The following RBFOX3 variants were observed in gnomAD, a reference collection of about 807,000 sequenced individuals.
RBFOX3 encodes the protein RNA binding fox-1 homolog 3.
A neutral mutation model predicts 48.7 loss-of-function variants in RBFOX3; 17 were observed. That is an observed-to-expected ratio of 0.35 (90% confidence interval 0.24 to 0.52). The LOEUF (loss-of-function observed/expected upper bound fraction) is 0.52, where lower values mean the gene tolerates loss of function less well. RBFOX3 is among the 20% of genes least tolerant of loss of function. The pLI, the probability that RBFOX3 is intolerant of heterozygous loss-of-function variation, is 0.94. For synonymous variants in RBFOX3, 212 were observed against 209.5 expected, an observed-to-expected ratio of 1.01 and a Z score of -0.10; for missense variants, 382 against 497.5, an observed-to-expected ratio of 0.77 and a Z score of 2.21.
At chr17:79,326,612 G>A (rs576651555) in intron 2 of RBFOX3, among the ~76,000 whole-genome samples, 61 of 152,246 alleles carry the variant, frequency 4.0e-4, no homozygotes, top group African/African-American at 1.3e-3. Flanking sequence ...TAGACAACCC[G>A]CAGGCACAGT....
At chr17:79,397,735 A>ACTC (rs1256664566) in intron 2 of RBFOX3, among the ~76,000 whole-genome samples, 1 of 151,968 alleles carries the variant, frequency 6.6e-6, no homozygotes, top group Non-Finnish European at 1.5e-5. Flanking sequence ...CACGGCAGGG[A>ACTC]CCTGTTACCA....
intron 2 of RBFOX3, among the ~76,000 whole-genome samples, chr17:79,397,732 G>A (rs969552397): frequency 1.3e-5 from 2 of 152,130 alleles, no homozygotes; most frequent in Admixed American, 1.3e-4. Flanking sequence ...AGTCACGGCA[G>A]GGACCTGTTA....
chr17:79,546,760 C>A (rs190370982), intron 1 of RBFOX3, among the ~76,000 whole-genome samples: 6 of 151,488 alleles, frequency 4.0e-5, no homozygotes, highest in Non-Finnish European at 7.4e-5. Flanking sequence ...ACCTCCGACT[C>A]CCAGGTTGAA....
intron 2 of RBFOX3, among the ~76,000 whole-genome samples, chr17:79,476,243 T>C (rs2077728413): frequency 6.6e-6 from 1 of 152,242 alleles, no homozygotes; most frequent in Non-Finnish European, 1.5e-5. Flanking sequence ...GAGTGACTAA[T>C]GGGCTCTAAT....
Position 79,308,873 on chromosome 17 carries a change from C to T in RBFOX3, c.-174-1049G>A, listed in dbSNP as rs1031391038. ...GTGGCTCATGCCTGTAATCCCAGCA[C>T]TTTGGGAAGCCGAGGCGGGGGGATC... On this transcript the variant is annotated intron_variant, in intron 2 of 14. Transcript: ENST00000693108. Among the ~76,000 whole-genome samples, 4 of 152,164 alleles carry T rather than the reference C, an allele frequency of 2.6e-5. No individual in the cohort carries two copies. The South Asian group carries it at 6.2e-4, about 24-fold the overall frequency.
At chr17:79,306,840 C>T (rs762440120) in intron 3 of RBFOX3, among the ~76,000 whole-genome samples, 12 of 152,178 alleles carry the variant, frequency 7.9e-5, no homozygotes, top group Admixed American at 2.0e-4. Context: ...TCCTCAGACC[C>T]GCCAGCCTGG....
At chr17:79,154,093 C>T (rs2045218037) in intron 4 of RBFOX3, among the ~76,000 whole-genome samples, 1 of 152,202 alleles carries the variant, frequency 6.6e-6, no homozygotes. Flanking sequence ...CCCCGGCCCC[C>T]AAGGCTCTGC....
intron 4 of RBFOX3, among the ~76,000 whole-genome samples, chr17:79,143,903 C>T (rs1415702784): frequency 1.3e-5 from 2 of 152,238 alleles, no homozygotes; most frequent in African/African-American, 2.4e-5. Flanking sequence ...CTCTTCACGG[C>T]CACCCCTGTT....
In RBFOX3 at chr17:79,477,041, T is replaced by A. The variant is rs2149434742; in HGVS notation, c.-175+5413A>T. ...TGAGGTCAGGAGTTCGAGACCAGCC[T>A]GGCCAACAGGGTGAAACCCCGTCTC... On this transcript the variant is annotated intron_variant, in intron 2 of 14. Transcript: ENST00000693108. This position sits in a 1 kb window ranked among gnomAD's most constrained non-coding sequence, Gnocchi z 4.8. Among the ~76,000 whole-genome samples, 3 of 151,808 alleles carry A rather than the reference T, an allele frequency of 2.0e-5. No individual in the cohort carries two copies. The South Asian group carries it at 6.3e-4, about 32-fold the overall frequency.
intron 3 of RBFOX3, among the ~76,000 whole-genome samples, chr17:79,258,020 GTCTC>G (rs1425450935): frequency 6.6e-6 from 1 of 152,098 alleles, no homozygotes; most frequent in Non-Finnish European, 1.5e-5. Flanking sequence ...TCTCCCCACT[GTCTC>G]TCTTTCTGGT....
At chr17:79,247,717 T>TG (rs60858648) in intron 3 of RBFOX3, among the ~76,000 whole-genome samples, 73,850 of 151,932 alleles carry the variant, frequency 0.49, 18,046 homozygotes, top group Middle Eastern at 0.62. Flanking sequence ...GTGGGGCATC[T>TG]CCACTCTTCC....
chr17:79,208,322 T>A (rs1308829047), intron 4 of RBFOX3: 1 of 152,278 alleles, frequency 6.6e-6, no homozygotes. Context: ...TCCCAGCCAA[T>A]AGCCAAAGGC....
chr17:79,265,740 C>A (rs2143204757), intron 3 of RBFOX3, among the ~76,000 whole-genome samples: 1 of 152,328 alleles, frequency 6.6e-6, no homozygotes, highest in East Asian at 1.9e-4. Flanking sequence ...CTCTCCCATT[C>A]CGGAGATTTA....
chr17:79,494,674 T>A (rs909970405), intron 1 of RBFOX3, among the ~76,000 whole-genome samples: 17 of 152,238 alleles, frequency 1.1e-4, no homozygotes, highest in African/African-American at 3.9e-4. Context: ...CTCAGAGACA[T>A]AAACCCTCCC....
intron 1 of RBFOX3, among the ~76,000 whole-genome samples, chr17:79,527,681 AT>A (rs1341500459): frequency 6.6e-6 from 1 of 152,222 alleles, no homozygotes; most frequent in Non-Finnish European, 1.5e-5. Context: ...TGCTTCCGAT[AT>A]CCCCCACTTC....
At chr17:79,510,848 G>T (rs1039570523) in intron 1 of RBFOX3, among the ~76,000 whole-genome samples, 2 of 152,108 alleles carry the variant, frequency 1.3e-5, no homozygotes, top group African/African-American at 2.4e-5. Context: ...AGCACCTGGG[G>T]CTTCCACCAG....
At chr17:79,399,564 C>T (rs557669891) in intron 2 of RBFOX3, among the ~76,000 whole-genome samples, 11 of 152,190 alleles carry the variant, frequency 7.2e-5, no homozygotes, top group South Asian at 2.1e-4. Context: ...AAATCCCACA[C>T]GGTGGCCGCA....
chr17:79,127,348 A>G (rs1237727388), intron 4 of RBFOX3, among the ~76,000 whole-genome samples: 1 of 152,200 alleles, frequency 6.6e-6, no homozygotes, highest in African/African-American at 2.4e-5. Context: ...TAACGCATCA[A>G]CAGGAACGAT....
intron 2 of RBFOX3, among the ~76,000 whole-genome samples, chr17:79,340,056 T>C (rs2081817789): frequency 6.6e-6 from 1 of 152,154 alleles, no homozygotes; most frequent in African/African-American, 2.4e-5. Context: ...CCCAGCACTT[T>C]GGGAGGCCAA....
Sources: allele counts gnomAD v4.1 joint callset (sites outside exome capture counted in the v4.1 genomes callset), GRCh38; gene constraint gnomAD v4.1.1; non-coding constraint Gnocchi (gnomAD v3.1); transcripts MANE v1.5; gene names NCBI Gene and HGNC (gene_info 2026-07-23, HGNC 2026-07-21).